DCUN1D2: variants seen among roughly 807,000 people sequenced by gnomAD.
DCUN1D2 encodes DCN1-like protein 2.
A neutral mutation model predicts 30.9 loss-of-function variants in DCUN1D2; 29 were observed. That is an observed-to-expected ratio of 0.94 (90% confidence interval 0.70 to 1.28). DCUN1D2 has a LOEUF of 1.28. DCUN1D2 is among the 50% of genes most tolerant of loss of function. DCUN1D2 has a pLI of 0.00. For synonymous variants in DCUN1D2, 121 were observed against 115.3 expected, an observed-to-expected ratio of 1.05 and a Z score of -0.32; for missense variants, 325 against 316.9, an observed-to-expected ratio of 1.03 and a Z score of -0.19.
At chr13:113,458,675 ACACAAAGAGAAG>A (rs1566490308) in intron 6 of DCUN1D2, among the ~76,000 whole-genome samples, 1 of 152,192 alleles carries the variant, frequency 6.6e-6, no homozygotes, top group Non-Finnish European at 1.5e-5. Context: ...AGTGTGGAGG[ACACAAAGAGAAG>A]CAGAAGCTAA....
At position 113,474,211 on chromosome 13, in the gene DCUN1D2, CCA is replaced by C; in HGVS notation, c.431_432del (p.Leu144ArgfsTer11). 6.2e-7 allele frequency: 1 copy of C among 1,614,112 alleles called. No individual in the cohort carries two copies. ...MEKLKALLPR[L>X]EQELKDTAKF... ...TTGGCTGTGTCCTTCAGCTCCTGCT[CCA>C]GTCTTGGCAGAAGAGCCTTTAGCTT... On this transcript the variant is annotated frameshift_variant, in exon 4 of 7. Coordinates refer to ENST00000478244, the MANE Select transcript of DCUN1D2 (RefSeq NM_001014283.2). LOFTEE classifies it high-confidence loss of function.
At chr13:113,473,829 T>C (rs1401019803) in intron 4 of DCUN1D2, among the ~76,000 whole-genome samples, 1 of 152,118 alleles carries the variant, frequency 6.6e-6, no homozygotes, top group Non-Finnish European at 1.5e-5. Flanking sequence ...GACCTTGTCT[T>C]TACTAAAAAT....
At chr13:113,462,786 T>A (rs1229484796) in intron 4 of DCUN1D2, 7 of 1,137,602 alleles carry the variant, frequency 6.2e-6, no homozygotes, top group Non-Finnish European at 7.7e-6. Flanking sequence ...AGTCTTGTCC[T>A]GCTTATAAGT....
chr13:113,459,197 T>C (rs1228517333), intron 6 of DCUN1D2, 115 bp downstream of exon 6: 9 of 646,166 alleles, frequency 1.4e-5, no homozygotes, highest in Non-Finnish European at 2.6e-5. Flanking sequence ...AGGAAGGGGG[T>C]AGTATTATGA....
intron 4 of DCUN1D2, among the ~76,000 whole-genome samples, chr13:113,471,634 T>C (rs2044517465): frequency 6.6e-6 from 1 of 152,004 alleles, no homozygotes; most frequent in African/African-American, 2.4e-5. Flanking sequence ...AAAGAAAAAA[T>C]GGCCTTTGTT....
rs369414121 is a variant in DCUN1D2 at position 113,478,796 on chromosome 13, T to G, written c.389+1779A>C. The stretch of plus-strand genomic sequence containing the variant: ...ACTGTACTGTGGTCAGAAAACATAC[T>G]CTGTATCATTTCAAACCTCTGGAAA... On this transcript the variant is annotated intron_variant, in intron 3 of 6. Coordinates refer to ENST00000478244, the MANE Select transcript of DCUN1D2 (RefSeq NM_001014283.2). 11 of 152,324 alleles carry G rather than the reference T, an allele frequency of 7.2e-5. No individual in the cohort carries two copies. The South Asian group carries it at 2.1e-3, about 29-fold the overall frequency. 9.4% of individuals were successfully genotyped at this position (152,324 alleles called of 1,614,324 possible).
At chr13:113,485,534 C>T (rs945259254) in intron 1 of DCUN1D2, among the ~76,000 whole-genome samples, 3 of 151,684 alleles carry the variant, frequency 2.0e-5, no homozygotes, top group Non-Finnish European at 4.4e-5. Flanking sequence ...AGATACAGAC[C>T]CTTCTGGCCT....
chr13:113,481,865 CAAAAAAA>C (rs60598722), intron 2 of DCUN1D2, among the ~76,000 whole-genome samples: 2 of 112,014 alleles, frequency 1.8e-5, no homozygotes, highest in Admixed American at 9.0e-5. Flanking sequence ...GCCTGGGTGA[CAAAAAAA>C]AAAAAAAAGA....
chr13:113,467,967 C>A (rs1029833321), intron 4 of DCUN1D2, among the ~76,000 whole-genome samples: 19 of 150,754 alleles, frequency 1.3e-4, no homozygotes, highest in Non-Finnish European at 2.8e-4. Context: ...TTGCTTGAAC[C>A]TGGGAGGCAG....
chr13:113,464,868 C>A (rs1460157458), intron 4 of DCUN1D2, among the ~76,000 whole-genome samples: 1 of 152,268 alleles, frequency 6.6e-6, no homozygotes, highest in Admixed American at 6.5e-5. Context: ...GGCAGCCGGC[C>A]TGGCTGAAGC....
chr13:113,460,960 C>T (rs943898674), intron 5 of DCUN1D2, 94 bp downstream of exon 5: 2 of 742,878 alleles, frequency 2.7e-6, no homozygotes, highest in Non-Finnish European at 4.5e-6. Context: ...AAAACCTCCA[C>T]GTGTGAGACC....
At chr13:113,489,654 C>T (rs1042672188) in intron 1 of DCUN1D2, among the ~76,000 whole-genome samples, 4 of 152,106 alleles carry the variant, frequency 2.6e-5, no homozygotes, top group Admixed American at 2.0e-4. Context: ...TGTGCCTTAG[C>T]CAGGACAATC....
Position 113,483,871 on chromosome 13 carries a change from C to T in DCUN1D2, c.189G>A (p.Lys63=). 2 of 1,613,066 alleles carry T rather than the reference C, an allele frequency of 1.2e-6. No individual in the cohort carries two copies. The highest frequency in any genetic ancestry group is 2.2e-5 in the South Asian group (2 of 91,020). ...RESMRNAVDK[K]KLERLYGRYK... is the part of the protein sequence containing the mutation. ...ACCTGCCGTACAGCCGCTCCAGCTT[C>T]TTCTTGTCCACAGCGTTCCGCATGG... is the stretch of plus-strand genomic sequence containing the variant. The change falls in exon 2 of 7, where the codon AAG becomes AAA. Residue 63 remains lysine, a synonymous_variant. Coordinates refer to ENST00000478244, the MANE Select transcript of DCUN1D2 (RefSeq NM_001014283.2).
intron 4 of DCUN1D2, among the ~76,000 whole-genome samples, chr13:113,470,991 C>A (rs1373819772): frequency 5.3e-5 from 8 of 150,364 alleles, no homozygotes; most frequent in Middle Eastern, 3.3e-3. Flanking sequence ...CTACAGAGGA[C>A]CCAACTCCAC....
At chr13:113,478,159 A>G (rs1211825286) in intron 3 of DCUN1D2, among the ~76,000 whole-genome samples, 1 of 152,220 alleles carries the variant, frequency 6.6e-6, no homozygotes, top group Non-Finnish European at 1.5e-5. Flanking sequence ...AGGATGTGCC[A>G]ATTAAGTCAT....
In DCUN1D2 at chr13:113,455,824, G is replaced by GA; in HGVS notation, c.*2204dup. 6.3e-6 allele frequency: 1 copy of GA among 158,670 alleles called. No individual in the cohort carries two copies. Among genetic ancestry groups the GA allele is most frequent in the Non-Finnish European group, 1.4e-5 (1 of 72,634 alleles). The allele number at this position is 158,670 out of a possible 1,614,324, so 9.8% of individuals were successfully genotyped here. ...AGAATCGAAAGGAAACCACGCCCGA[G>GA]AAAAACCAATTTAATGCTTCTGTTC... On this transcript the variant is annotated 3_prime_UTR_variant, in exon 7 of 7. Coordinates refer to ENST00000478244, the MANE Select transcript of DCUN1D2 (RefSeq NM_001014283.2).
Position 113,474,208 on chromosome 13 carries a change from G to A in DCUN1D2, c.436C>T (p.Gln146Ter). 1 of 1,614,154 alleles carries A rather than the reference G, an allele frequency of 6.2e-7. No homozygotes were observed. The highest frequency in any genetic ancestry group is 8.5e-7 in the Non-Finnish European group (1 of 1,179,998). ...AACTTGGCTGTGTCCTTCAGCTCCT[G>A]CTCCAGTCTTGGCAGAAGAGCCTTT... ...KLKALLPRLE[Q>*]ELKDTAKFKD... is the part of the protein sequence containing the mutation. The change falls in exon 4 of 7, where the codon CAG becomes TAG. Residue 146 changes from glutamine (Q) to a stop codon, truncating the protein, a stop_gained. Coordinates refer to ENST00000478244, the MANE Select transcript of DCUN1D2 (RefSeq NM_001014283.2). LOFTEE classifies it high-confidence loss of function.
chr13:113,477,632 T>C (rs1234589332), intron 3 of DCUN1D2, among the ~76,000 whole-genome samples: 2 of 152,186 alleles, frequency 1.3e-5, no homozygotes, highest in Non-Finnish European at 2.9e-5. Flanking sequence ...GTAAGTATAA[T>C]GTTTTCCATA....
intron 3 of DCUN1D2, among the ~76,000 whole-genome samples, chr13:113,479,998 G>A (rs370705898): frequency 2.0e-5 from 3 of 152,088 alleles, no homozygotes; most frequent in East Asian, 3.8e-4. Context: ...TTGTATAAGC[G>A]GTCCACTGTT....
Sources: gnomAD v4.1 joint callset for allele counts (sites outside exome capture counted in the v4.1 genomes callset) on GRCh38, gnomAD v4.1.1 for gene constraint, MANE v1.5 for transcripts, NCBI Gene and HGNC (gene_info 2026-07-23, HGNC 2026-07-21) for gene names.